SUGCT: variants seen among roughly 807,000 people sequenced by gnomAD.
SUGCT encodes succinyl-CoA:glutarate CoA-transferase.
A neutral mutation model predicts 55.0 loss-of-function variants in SUGCT; 41 were observed. The observed-to-expected ratio is 0.74, with a 90% confidence interval of 0.58 to 0.97. The LOEUF (loss-of-function observed/expected upper bound fraction) is 0.97, where lower values mean the gene tolerates loss of function less well. Ranked by LOEUF, SUGCT falls within the 50% of genes least tolerant of loss-of-function variation. The pLI is 0.00. For synonymous variants in SUGCT, 187 were observed against 200.4 expected (o/e 0.93, Z 0.56); for missense variants, 568 against 547.8 (o/e 1.04, Z -0.37).
chr7:40,238,822 CTT>C (rs200564913), intron 7 of SUGCT, among the ~76,000 whole-genome samples: 6,297 of 138,254 alleles, frequency 0.046, 363 homozygotes, highest in African/African-American at 0.14. Context: ...GTGGCCTTTG[CTT>C]TTTTTTTTTT....
At chr7:40,293,570 G>A (rs984406136) in intron 8 of SUGCT, among the ~76,000 whole-genome samples, 1 of 152,136 alleles carries the variant, frequency 6.6e-6, no homozygotes, top group Admixed American at 6.5e-5. Flanking sequence ...TGATTCCTGG[G>A]CCTCACACGC....
intron 9 of SUGCT, among the ~76,000 whole-genome samples, chr7:40,435,565 G>A (rs1471746230): frequency 1.3e-5 from 2 of 152,124 alleles, no homozygotes; most frequent in East Asian, 3.9e-4. Flanking sequence ...TAACTAACTA[G>A]CATCTTGAAC....
intron 13 of SUGCT, among the ~76,000 whole-genome samples, chr7:40,762,222 C>T (rs1170934057): frequency 6.6e-6 from 1 of 152,218 alleles, no homozygotes. Flanking sequence ...AACATTTCCT[C>T]TTCATTGAGC....
chr7:40,655,818 A>G (rs1800993158), intron 12 of SUGCT, among the ~76,000 whole-genome samples: 1 of 152,200 alleles, frequency 6.6e-6, no homozygotes, highest in Admixed American at 6.5e-5. Flanking sequence ...GCCATATCCA[A>G]TGGAGAATAC....
the SUGCT span, among the ~76,000 whole-genome samples, chr7:40,867,101 T>A: frequency 6.7e-6 from 1 of 149,770 alleles, no homozygotes; most frequent in Non-Finnish European, 1.5e-5. Context: ...ACAAGACGCA[T>A]CCATGTAAAA....
chr7:40,730,595 C>T (rs113935291), intron 12 of SUGCT, among the ~76,000 whole-genome samples: 72 of 152,194 alleles, frequency 4.7e-4, no homozygotes, highest in Middle Eastern at 3.4e-3. Flanking sequence ...AAATGCAATA[C>T]GTTATTATTA....
intron 9 of SUGCT, among the ~76,000 whole-genome samples, chr7:40,324,252 A>AATAAATATATATATATAT (rs1554311559): frequency 8.5e-5 from 10 of 117,616 alleles, no homozygotes; most frequent in African/African-American, 3.2e-4. Context: ...TAAATAAATA[A>AATAAATATATATATATAT]ATATATATAT....
At chr7:40,342,077 T>C (rs1797079357) in intron 9 of SUGCT, among the ~76,000 whole-genome samples, 1 of 152,200 alleles carries the variant, frequency 6.6e-6, no homozygotes, top group Non-Finnish European at 1.5e-5. Flanking sequence ...GTCATCCTCC[T>C]AGTTGGAGGA....
At chr7:40,326,571 T>G (rs748362693) in intron 9 of SUGCT, among the ~76,000 whole-genome samples, 2 of 152,184 alleles carry the variant, frequency 1.3e-5, no homozygotes, top group Non-Finnish European at 2.9e-5. Flanking sequence ...GTGGTAATTT[T>G]GTTTTAAAAA....
At chr7:40,547,148 T>C (rs1327361232) in intron 12 of SUGCT, among the ~76,000 whole-genome samples, 1 of 152,152 alleles carries the variant, frequency 6.6e-6, no homozygotes, top group Non-Finnish European at 1.5e-5. Context: ...CCAGGAAAGC[T>C]GGTGATGTGG....
intron 11 of SUGCT, among the ~76,000 whole-genome samples, chr7:40,464,839 C>T (rs1790014081): frequency 6.6e-6 from 1 of 152,128 alleles, no homozygotes; most frequent in Non-Finnish European, 1.5e-5. Flanking sequence ...AGCTCTCAGT[C>T]AGTTTGGTAG....
At chr7:40,215,861 C>CAAA (rs60149673) in intron 6 of SUGCT, among the ~76,000 whole-genome samples, 2 of 109,322 alleles carry the variant, frequency 1.8e-5, no homozygotes, top group African/African-American at 6.7e-5. Context: ...GACTCCGTCT[C>CAAA]AAAAAAAAAA....
At chr7:40,629,804 A>C (rs1799703603) in intron 12 of SUGCT, among the ~76,000 whole-genome samples, 1 of 152,206 alleles carries the variant, frequency 6.6e-6, no homozygotes, top group South Asian at 2.1e-4. Flanking sequence ...GATAAATTTT[A>C]TATTACATGT....
chr7:40,381,581 T>C (rs1784876441), intron 9 of SUGCT, among the ~76,000 whole-genome samples: 1 of 152,186 alleles, frequency 6.6e-6, no homozygotes, highest in African/African-American at 2.4e-5. Flanking sequence ...ACTTCCTAAT[T>C]GTAGTGAAAA....
At chr7:40,175,270 A>G (rs1330182328) in intron 1 of SUGCT, among the ~76,000 whole-genome samples, 1 of 148,888 alleles carries the variant, frequency 6.7e-6, no homozygotes, top group African/African-American at 2.5e-5. Context: ...CCCAGGCTGG[A>G]GTGTAGTGGT....
intron 12 of SUGCT, among the ~76,000 whole-genome samples, chr7:40,624,523 C>T (rs1271920408): frequency 6.6e-6 from 1 of 152,092 alleles, no homozygotes; most frequent in Non-Finnish European, 1.5e-5. Context: ...AGCCGATTTT[C>T]CTAGAATCAC....
At chr7:41,037,130 G>C in the SUGCT span, among the ~76,000 whole-genome samples, 1 of 152,180 alleles carries the variant, frequency 6.6e-6, no homozygotes, top group Non-Finnish European at 1.5e-5. Flanking sequence ...ATATGATTAC[G>C]TGTGTGAAAT....
At chr7:40,792,982 C>T (rs181207510) in intron 13 of SUGCT, among the ~76,000 whole-genome samples, 2 of 152,204 alleles carry the variant, frequency 1.3e-5, no homozygotes, top group Non-Finnish European at 2.9e-5. Context: ...TATTTAAGAA[C>T]ACTCCTTAGA....
the SUGCT span, among the ~76,000 whole-genome samples, chr7:40,875,892 CT>C: frequency 2.6e-5 from 4 of 152,174 alleles, no homozygotes; most frequent in Non-Finnish European, 4.4e-5. Context: ...CCTTTTCTTA[CT>C]GAACATGAAC....
Sources: allele counts gnomAD v4.1 joint callset (sites outside exome capture counted in the v4.1 genomes callset), GRCh38; gene constraint gnomAD v4.1.1; transcripts MANE v1.5; gene names NCBI Gene and HGNC (gene_info 2026-07-23, HGNC 2026-07-21).